QTGAL: variants seen among roughly 807,000 people sequenced by gnomAD.
The protein encoded by QTGAL is BGnT-like protein 1.
the QTGAL span, among the ~76,000 whole-genome samples, chr17:82,989,437 G>A: frequency 1.3e-5 from 2 of 148,876 alleles, no homozygotes; most frequent in African/African-American, 5.0e-5. Flanking sequence ...AAACCACCAT[G>A]GCACAGGTTT....
the QTGAL span, chr17:83,048,940 C>G: frequency 3.1e-6 from 2 of 647,646 alleles, no homozygotes; most frequent in Non-Finnish European, 2.8e-6. Context: ...TTGTAAGATT[C>G]TTTACGTCTT....
chr17:82,957,206 C>A, the QTGAL span: 1 of 1,614,196 alleles, frequency 6.2e-7, no homozygotes, highest in Non-Finnish European at 8.5e-7. Context: ...GCAATAGAAG[C>A]CTTTCCTGAT....
the QTGAL span, among the ~76,000 whole-genome samples, chr17:83,012,568 C>G: frequency 2.0e-5 from 3 of 152,172 alleles, no homozygotes; most frequent in Non-Finnish European, 4.4e-5. Context: ...CGGGCCGGCA[C>G]AGGGTCTGCT....
chr17:83,024,535 ACAT>A, the QTGAL span, among the ~76,000 whole-genome samples: 3 of 152,230 alleles, frequency 2.0e-5, no homozygotes, highest in Non-Finnish European at 4.4e-5. Context: ...TGAGGGATAA[ACAT>A]CTGTGTCCTG....
chr17:83,028,362 A>G, the QTGAL span, among the ~76,000 whole-genome samples: 1 of 150,816 alleles, frequency 6.6e-6, no homozygotes, highest in African/African-American at 2.4e-5. Flanking sequence ...GTCTCTACTA[A>G]AAATACAAAA....
the QTGAL span, among the ~76,000 whole-genome samples, chr17:82,967,314 G>C: frequency 7.2e-5 from 11 of 152,188 alleles, no homozygotes; most frequent in Admixed American, 7.2e-4. Flanking sequence ...TCCTGGAGGT[G>C]CTGTGTGTGT....
the QTGAL span, among the ~76,000 whole-genome samples, chr17:83,042,626 C>T: frequency 6.6e-6 from 1 of 152,078 alleles, no homozygotes; most frequent in African/African-American, 2.4e-5. Flanking sequence ...GGTAGTAATA[C>T]AGGATTGAGG....
the QTGAL span, among the ~76,000 whole-genome samples, chr17:83,002,879 G>GCTCGCCCT: frequency 3.1e-5 from 2 of 64,526 alleles, no homozygotes; most frequent in African/African-American, 1.5e-4. Context: ...GGATTCCTGA[G>GCTCGCCCT]CCCGCCCTCC....
chr17:83,048,834 C>T, the QTGAL span: 3 of 1,505,288 alleles, frequency 2.0e-6, no homozygotes, highest in African/African-American at 1.4e-5. Context: ...ACTTAGTTCC[C>T]TTTCCATGGC....
the QTGAL span, among the ~76,000 whole-genome samples, chr17:82,973,549 C>T: frequency 6.6e-6 from 1 of 152,030 alleles, no homozygotes; most frequent in African/African-American, 2.4e-5. Flanking sequence ...GTCCGGCTCT[C>T]ACCTGGCACC....
the QTGAL span, among the ~76,000 whole-genome samples, chr17:82,983,510 C>T: frequency 6.6e-6 from 1 of 152,162 alleles, no homozygotes; most frequent in East Asian, 1.9e-4. Context: ...ACATTCCCAG[C>T]CCCACACAGA....
the QTGAL span, chr17:83,048,820 GAA>G: frequency 6.4e-7 from 1 of 1,570,306 alleles, no homozygotes; most frequent in Non-Finnish European, 8.8e-7. Flanking sequence ...ACAGAAGTGT[GAA>G]AACTTAGTTC....
the QTGAL span, chr17:82,942,266 G>A: frequency 2.5e-4 from 187 of 750,688 alleles, 1 homozygote; most frequent in South Asian, 1.7e-3. Flanking sequence ...CCGAGGACAC[G>A]TTAGTCATGA....
chr17:82,973,992 C>T, the QTGAL span, among the ~76,000 whole-genome samples: 1 of 152,160 alleles, frequency 6.6e-6, no homozygotes, highest in Non-Finnish European at 1.5e-5. Flanking sequence ...AGCCCCTTGC[C>T]CCATGGGGCG....
the QTGAL span, among the ~76,000 whole-genome samples, chr17:82,969,406 G>A: frequency 7.8e-4 from 119 of 152,340 alleles, no homozygotes; most frequent in East Asian, 0.017. Context: ...ACAGGGTTTC[G>A]CTACGTTGCC....
At chr17:83,019,640 C>T in the QTGAL span, among the ~76,000 whole-genome samples, 52,042 of 152,084 alleles carry the variant, frequency 0.34, 8,988 homozygotes, top group South Asian at 0.38. Context: ...CTGTACTTCA[C>T]GCCACTGAAT....
At chr17:82,968,108 A>AC in the QTGAL span, among the ~76,000 whole-genome samples, 1 of 152,152 alleles carries the variant, frequency 6.6e-6, no homozygotes, top group Non-Finnish European at 1.5e-5. Context: ...CTAGACATTT[A>AC]CCCAAGAAAA....
chr17:83,024,407 G>A, the QTGAL span, among the ~76,000 whole-genome samples: 38 of 152,252 alleles, frequency 2.5e-4, 1 homozygote, highest in African/African-American at 7.2e-5. Context: ...ACCACACGGC[G>A]GTTCAGACGG....
the QTGAL span, among the ~76,000 whole-genome samples, chr17:82,993,335 T>C: frequency 1.3e-5 from 2 of 152,096 alleles, no homozygotes; most frequent in Admixed American, 6.5e-5. Context: ...ATTGAGGGTC[T>C]ATCTCAGATG....
Sources: gnomAD v4.1 joint callset for allele counts (sites outside exome capture counted in the v4.1 genomes callset) on GRCh38, gnomAD v4.1.1 for gene constraint, MANE v1.5 for transcripts, NCBI Gene and HGNC (gene_info 2026-07-23, HGNC 2026-07-21) for gene names.